RTN3: variants seen among roughly 807,000 people sequenced by gnomAD.
The protein encoded by RTN3 is reticulon 3.
RTN3 carries 49 observed loss-of-function variants against 77.8 expected under a neutral mutation model. The observed-to-expected ratio is 0.63, with a 90% confidence interval of 0.50 to 0.80. The LOEUF is 0.80. Among genes scored for constraint, RTN3 ranks in the 30% least tolerant of loss-of-function variants. The probability of loss-of-function intolerance (pLI) is 0.00; values close to 1 mark genes in which losing one functional copy is unlikely to be tolerated. For missense variants in RTN3, 1,236 were observed against 1,211.9 expected, an observed-to-expected ratio of 1.02 and a Z score of -0.29; for synonymous variants, 464 against 446.9, an observed-to-expected ratio of 1.04 and a Z score of -0.48.
chr11:63,687,499 A>G (rs946063067), intron 1 of RTN3, among the ~76,000 whole-genome samples: 1 of 151,990 alleles, frequency 6.6e-6, no homozygotes, highest in East Asian at 1.9e-4. Flanking sequence ...AATCCCAGCT[A>G]CTCAGGAGGC....
intron 2 of RTN3, among the ~76,000 whole-genome samples, chr11:63,717,867 T>C (rs1200250551): frequency 6.6e-6 from 1 of 151,692 alleles, no homozygotes; most frequent in Non-Finnish European, 1.5e-5. Context: ...ATACAAAAAT[T>C]AGCTGGGCTT....
chr11:63,724,173 CTTTTTT>C (rs958114305), intron 3 of RTN3, among the ~76,000 whole-genome samples: 42 of 85,446 alleles, frequency 4.9e-4, no homozygotes, highest in South Asian at 1.2e-3. Context: ...TTTAGGAATT[CTTTTTT>C]TTTTTTTTTT....
intron 3 of RTN3, among the ~76,000 whole-genome samples, chr11:63,735,550 T>TTCTCTCCCTCTC (rs2013035551): frequency 4.7e-5 from 2 of 42,686 alleles, no homozygotes; most frequent in Middle Eastern, 0.042. Flanking sequence ...ATTCTAACAT[T>TTCTCTCCCTCTC]TCTCTCTCTC....
At position 63,734,549 on chromosome 11, in the gene RTN3, C is replaced by T. The variant is rs570383849; in HGVS notation, c.2530+13517C>T. Among the ~76,000 whole-genome samples the T allele has an allele frequency of 4.6e-5, 7 of 151,982 alleles. No homozygotes were observed. The South Asian group carries it at 1.2e-3, about 27-fold the overall frequency. ...GTCAGGAGTTTGAGACCAGCCTGGC[C>T]AACATGGTGAAACCTCTACTAAAAA... is the stretch of plus-strand genomic sequence containing the variant. On this transcript the variant is annotated intron_variant, in intron 3 of 8. Coordinates refer to ENST00000377819, the MANE Select transcript of RTN3 (RefSeq NM_001265589.2).
intron 1 of RTN3, among the ~76,000 whole-genome samples, chr11:63,702,269 G>A (rs1942272905): frequency 6.7e-6 from 1 of 150,308 alleles, no homozygotes; most frequent in South Asian, 2.1e-4. Context: ...TGTTCTTAGT[G>A]TGTGGTTTTT....
At chr11:63,684,138 T>A (rs1941234303) in intron 1 of RTN3, among the ~76,000 whole-genome samples, 1 of 124,854 alleles carries the variant, frequency 8.0e-6, no homozygotes, top group Non-Finnish European at 1.8e-5. Flanking sequence ...GGTTTTTTTT[T>A]TTTTTTTTTT....
chr11:63,730,311 G>T (rs2012601487), intron 3 of RTN3, among the ~76,000 whole-genome samples: 1 of 152,170 alleles, frequency 6.6e-6, no homozygotes, highest in African/African-American at 2.4e-5. Context: ...AAAGTAAATG[G>T]ATGGAAAAGA....
At chr11:63,752,172 A>G (rs1191747574) in intron 4 of RTN3, among the ~76,000 whole-genome samples, 1 of 145,570 alleles carries the variant, frequency 6.9e-6, no homozygotes, top group Non-Finnish European at 1.5e-5. Context: ...AAACTGCTAA[A>G]AAAAAAAAAA....
chr11:63,688,420 C>T (rs1428561664), intron 1 of RTN3, among the ~76,000 whole-genome samples: 1 of 152,100 alleles, frequency 6.6e-6, no homozygotes, highest in Non-Finnish European at 1.5e-5. Flanking sequence ...GACAGGGTTT[C>T]ACCATGTTAG....
chr11:63,754,439 G>A lies in RTN3; in HGVS notation c.2994+731G>A, dbSNP rs533962100. Among the ~76,000 whole-genome samples, 18 of 152,196 alleles carry A rather than the reference G, an allele frequency of 1.2e-4. No individual in the cohort carries two copies. The East Asian group carries it at 2.7e-3, about 23-fold the overall frequency. ...TGTGGGGCCAGGCACGGTGGCTCAC[G>A]CCTGTAATCCCAGCACTTTGGGAGG... On this transcript the variant is annotated intron_variant, in intron 7 of 8. Transcript: ENST00000377819.
rs1266872776 is a variant in RTN3 at position 63,759,694 on chromosome 11, TGAA to T, written c.*1496_*1498del. On this transcript the variant is annotated 3_prime_UTR_variant, in exon 9 of 9. Transcript: ENST00000377819. ...TTTGTTGCTGCTGTGTTTAGATAAT[TGAA>T]GAGATCTTTGTGCCACACAGGATTT... 4 of 150,222 alleles carry T rather than the reference TGAA, an allele frequency of 2.7e-5. No homozygotes were observed. Among genetic ancestry groups the T allele is most frequent in the Non-Finnish European group, 4.4e-5 (3 of 67,772 alleles). 9.3% of individuals were successfully genotyped at this position (150,222 alleles called of 1,614,324 possible).
intron 3 of RTN3, among the ~76,000 whole-genome samples, chr11:63,729,539 C>T (rs546335272): frequency 2.7e-4 from 39 of 144,362 alleles, no homozygotes; most frequent in African/African-American, 8.0e-4. Context: ...CTCACTGCAA[C>T]CTAGACCTCC....
At chr11:63,753,232 A>C in intron 6 of RTN3, 94 bp downstream of exon 6, 2 of 1,241,956 alleles carry the variant, frequency 1.6e-6, no homozygotes, top group Middle Eastern at 2.2e-4. Context: ...CTCATTCTTC[A>C]TTGCCCAGTC....
At chr11:63,757,544 G>A (rs2014441907) in intron 8 of RTN3, among the ~76,000 whole-genome samples, 1 of 151,634 alleles carries the variant, frequency 6.6e-6, no homozygotes, top group African/African-American at 2.4e-5. Flanking sequence ...TTTTTATAGA[G>A]ATGGGGGTCT....
At chr11:63,741,590 C>T (rs1317882545) in intron 3 of RTN3, among the ~76,000 whole-genome samples, 2 of 151,696 alleles carry the variant, frequency 1.3e-5, no homozygotes, top group Non-Finnish European at 2.9e-5. Flanking sequence ...ACCTCTGCCT[C>T]CCGGGTTCAA....
At chr11:63,729,000 G>C (rs2012485267) in intron 3 of RTN3, among the ~76,000 whole-genome samples, 1 of 151,596 alleles carries the variant, frequency 6.6e-6, no homozygotes, top group African/African-American at 2.4e-5. Context: ...TGTTTAAAAG[G>C]CAGTAGAGTA....
chr11:63,702,522 G>A (rs1424868366), intron 1 of RTN3, among the ~76,000 whole-genome samples: 1 of 151,410 alleles, frequency 6.6e-6, no homozygotes, highest in Admixed American at 6.6e-5. Flanking sequence ...CACCATGTTG[G>A]CCAGGCTGGT....
intron 3 of RTN3, among the ~76,000 whole-genome samples, chr11:63,735,863 A>C (rs1242257103): frequency 1.3e-5 from 2 of 152,164 alleles, no homozygotes; most frequent in African/African-American, 2.4e-5. Context: ...ACACAGAGCA[A>C]AGAACAAAAT....
chr11:63,727,731 TAGGG>T (rs761631168), intron 3 of RTN3, among the ~76,000 whole-genome samples: 1 of 152,050 alleles, frequency 6.6e-6, no homozygotes, highest in African/African-American at 2.4e-5. Context: ...CTTCAGCACT[TAGGG>T]AGGCCGAGGC....
Sources: allele counts gnomAD v4.1 joint callset (sites outside exome capture counted in the v4.1 genomes callset), GRCh38; gene constraint gnomAD v4.1.1; transcripts MANE v1.5; gene names NCBI Gene and HGNC (gene_info 2026-07-23, HGNC 2026-07-21).